Variants in RC3H1 observed in about 807,000 individuals in gnomAD.
The protein encoded by RC3H1 is ring finger and CCCH-type domains 1.
Under a neutral mutation model 138.2 loss-of-function variants are expected in RC3H1, and 50 were observed. The observed-to-expected ratio is 0.36, with a 90% CI of 0.29 to 0.46. The LOEUF is 0.46. Ranked by LOEUF, RC3H1 falls within the 20% of genes least tolerant of loss-of-function variation. The pLI is 1.00. For missense variants in RC3H1, 1,031 were observed against 1,388.1 expected (o/e 0.74, Z 4.09); for synonymous variants, 462 against 489.1 (o/e 0.94, Z 0.73).
chr1:173,947,026 T>C (rs1221777770), intron 15 of RC3H1, among the ~76,000 whole-genome samples, 190 bp from the exon 16 acceptor site: 1 of 152,228 alleles, frequency 6.6e-6, no homozygotes, highest in Non-Finnish European at 1.5e-5. Flanking sequence ...TGCTGATATA[T>C]GTTTGTTTCT....
chr1:173,947,431 C>A lies in RC3H1; in HGVS notation c.2675G>T (p.Gly892Val), dbSNP rs772830979. Residue 892 changes from glycine (G) to valine (V), a missense_variant, in exon 15 of 20, where the codon GGT becomes GTT. Around this residue, in one of 7 missense-constraint regions of RC3H1, gnomAD observed 716 missense variants for 837.9 expected, o/e 0.85. Coordinates refer to ENST00000367696, the MANE Select transcript of RC3H1 (RefSeq NM_172071.4). ...ISRTSKTIYQ[G>V]AGPMQAMAPQ... The stretch of plus-strand genomic sequence containing the variant: ...TGCCATAGCCTGCATTGGACCAGCA[C>A]CCTGATATATAGTTTTGGAAGTTCG... The A allele has an allele frequency of 3.1e-6, 5 of 1,613,914 alleles. No individual in the cohort carries two copies. In the East Asian group the frequency reaches 1.1e-4, roughly 36 times the overall value.
intron 2 of RC3H1, among the ~76,000 whole-genome samples, chr1:173,990,413 AT>A (rs1185645674): frequency 3.3e-5 from 5 of 151,162 alleles, no homozygotes; most frequent in African/African-American, 7.3e-5. Context: ...TATATTCTTA[AT>A]TTTTTTTATG....
chr1:174,015,380 T>TC (rs1379856633), intron 1 of RC3H1, among the ~76,000 whole-genome samples: 6 of 151,912 alleles, frequency 3.9e-5, no homozygotes, highest in African/African-American at 1.5e-4. Flanking sequence ...TTTTTTTTTT[T>TC]TGAGACAAGT....
chr1:173,934,951 A>C lies in RC3H1; in HGVS notation c.*3770T>G, dbSNP rs1658519597. Reference sequence around the variant, plus strand: ...ATACCAATATTCTTTTAGGCAAAAGAAATACATGGGAAAGAATAGAAGGGA... The same window carrying C: ...ATACCAATATTCTTTTAGGCAAAAGCAATACATGGGAAAGAATAGAAGGGA... On this transcript the variant is annotated 3_prime_UTR_variant, in exon 20 of 20. Coordinates refer to ENST00000367696, the MANE Select transcript of RC3H1 (RefSeq NM_172071.4). The C allele has an allele frequency of 6.6e-6, 1 of 152,220 alleles. No individual in the cohort carries two copies. Among genetic ancestry groups the C allele is most frequent in the Non-Finnish European group, 1.5e-5 (1 of 68,034 alleles). 9.4% of individuals were successfully genotyped at this position (152,220 alleles called of 1,614,324 possible).
intron 1 of RC3H1, among the ~76,000 whole-genome samples, chr1:174,014,211 T>C (rs1033063220): frequency 6.6e-6 from 1 of 152,242 alleles, no homozygotes; most frequent in Admixed American, 6.5e-5. Context: ...ATGTGAACTA[T>C]GGACTTTAGT....
At position 173,938,046 on chromosome 1, in the gene RC3H1, A is replaced by C. The variant is rs1182727898; in HGVS notation, c.*675T>G. The stretch of plus-strand genomic sequence containing the variant: ...TATTTGAAAAGTTGAAAATAAAAAC[A>C]AGAAATAAAACCCTCCCAAACAAAC... On this transcript the variant is annotated 3_prime_UTR_variant, in exon 20 of 20. Coordinates refer to ENST00000367696, the MANE Select transcript of RC3H1 (RefSeq NM_172071.4). The C allele has an allele frequency of 6.6e-6, 1 of 152,234 alleles. No homozygotes were observed. Among genetic ancestry groups the C allele is most frequent in the Non-Finnish European group, 1.5e-5 (1 of 68,044 alleles). The allele number at this position is 152,234 out of a possible 1,614,324, so 9.4% of individuals were successfully genotyped here.
chr1:173,981,245 A>G (rs1347724860), intron 5 of RC3H1, among the ~76,000 whole-genome samples: 1 of 152,210 alleles, frequency 6.6e-6, no homozygotes, highest in Admixed American at 6.5e-5. Context: ...CAGAAAGAAT[A>G]AATACAGGCT....
intron 13 of RC3H1, among the ~76,000 whole-genome samples, chr1:173,952,585 T>G (rs1216134237): frequency 6.6e-6 from 1 of 152,090 alleles, no homozygotes; most frequent in East Asian, 1.9e-4. Context: ...ACAAGAACAT[T>G]AAAAATTTTG....
In RC3H1 at chr1:173,964,981, C is replaced by T. The variant is rs973545597; in HGVS notation, c.1474G>A (p.Ala492Thr). ...AVDLPSRKPPALPNGIVSTGN... is the reference protein window; with the variant it reads ...AVDLPSRKPPTLPNGIVSTGN... ...GTTGATACAATTCCATTTGGCAGAG[C>T]AGGAGGTTTTCTGCTAGGGAGATCC... The change falls in exon 10 of 20, where the codon GCT becomes ACT. Residue 492 changes from alanine to threonine, a missense_variant. Physicochemically the swap from Ala to Thr is moderately conservative, Grantham distance 58. Coordinates refer to ENST00000367696, the MANE Select transcript of RC3H1 (RefSeq NM_172071.4). 3.7e-6 allele frequency: 6 copies of T among 1,613,948 alleles called. No individual in the cohort carries two copies. In the Admixed American group the frequency reaches 5.0e-5, roughly 13 times the overall value.
At chr1:173,938,949 T>C in intron 19 of RC3H1, 78 bp from the exon 20 acceptor site, 1 of 1,109,066 alleles carries the variant, frequency 9.0e-7, no homozygotes. Flanking sequence ...GGATATAATT[T>C]AGCATGATTG....
At chr1:173,946,917 C>T (rs1282693855) in intron 15 of RC3H1, 81 bp from the exon 16 acceptor site, 7 of 929,810 alleles carry the variant, frequency 7.5e-6, no homozygotes, top group East Asian at 2.4e-5. Flanking sequence ...AAGACATCAG[C>T]GTATTGCATA....
intron 1 of RC3H1, among the ~76,000 whole-genome samples, chr1:174,007,169 C>A (rs1661668849): frequency 6.6e-6 from 1 of 152,126 alleles, no homozygotes; most frequent in Admixed American, 6.5e-5. Context: ...GCAGGCAGAT[C>A]ACGAGGTCAG....
At chr1:173,985,633 T>C (rs751109781) in intron 2 of RC3H1, among the ~76,000 whole-genome samples, 17 of 152,310 alleles carry the variant, frequency 1.1e-4, no homozygotes, top group Admixed American at 2.6e-4. Flanking sequence ...TTTTTTTTTG[T>C]AGATTTTAAA....
At chr1:174,010,142 TA>T (rs144636942) in intron 1 of RC3H1, among the ~76,000 whole-genome samples, 4,035 of 148,564 alleles carry the variant, frequency 0.027, 182 homozygotes, top group African/African-American at 0.094. Flanking sequence ...TATCTTCCAT[TA>T]AAAAAAAAAT....
chr1:173,988,071 C>T (rs548036814), intron 2 of RC3H1, among the ~76,000 whole-genome samples: 44 of 152,350 alleles, frequency 2.9e-4, no homozygotes, highest in African/African-American at 1.0e-3. Context: ...CTTTCTCCTA[C>T]ACCCCTTTAG....
rs780951413 is a variant in RC3H1 at position 173,946,764 on chromosome 1, T to C, written c.2810A>G (p.Gln937Arg). Reference protein sequence around the residue: ...PYSPHQNIPSQGHFSERERIS... With the variant: ...PYSPHQNIPSRGHFSERERIS... ...CTCATACCTCTCACTGAAGTGTCCC[T>C]GAGAAGGTATGTTTTGATGAGGTGA... Residue 937 changes from glutamine (Q) to arginine (R), a missense_variant, in exon 16 of 20, where the codon CAG becomes CGG. Gln to Arg is a conservative substitution (Grantham distance 43). Coordinates refer to ENST00000367696, the MANE Select transcript of RC3H1 (RefSeq NM_172071.4). The C allele has an allele frequency of 2.5e-6, 4 of 1,613,388 alleles. No individual in the cohort carries two copies. In the South Asian group the frequency reaches 4.4e-5, roughly 18 times the overall value.
At chr1:174,000,583 T>C (rs1661545399) in intron 1 of RC3H1, among the ~76,000 whole-genome samples, 2 of 152,200 alleles carry the variant, frequency 1.3e-5, no homozygotes, top group Admixed American at 6.5e-5. Context: ...AAAACCACAC[T>C]GTCTGTAAGA....
chr1:173,992,757 G>C lies in RC3H1; in HGVS notation c.229C>G (p.Gln77Glu). The C allele has an allele frequency of 6.2e-7, 1 of 1,611,322 alleles. No homozygotes were observed. The highest frequency in any genetic ancestry group is 8.5e-7 in the Non-Finnish European group (1 of 1,177,836). The change falls in exon 2 of 20, where the codon CAG becomes GAG. Residue 77 changes from glutamine to glutamate, a missense_variant and splice_region_variant. Coordinates refer to ENST00000367696, the MANE Select transcript of RC3H1 (RefSeq NM_172071.4). ...NSALLQLVGA[Q>E]VPEQQPITLC... ...AAGTATTAAGTCACCCATCCTACCT[G>C]AGCACCCACGAGCTGCAGCAATGCT... is the stretch of plus-strand genomic sequence containing the variant.
At chr1:174,011,888 T>C (rs368285648) in intron 1 of RC3H1, among the ~76,000 whole-genome samples, 3 of 152,124 alleles carry the variant, frequency 2.0e-5, no homozygotes, top group Admixed American at 6.5e-5. Flanking sequence ...AACCAATTCG[T>C]ATTAGCATTG....
Sources: gnomAD v4.1 joint callset for allele counts (sites outside exome capture counted in the v4.1 genomes callset) on GRCh38, gnomAD v4.1.1 for gene constraint, gnomAD v4.1.1 regional missense constraint, MANE v1.5 for transcripts, NCBI Gene and HGNC (gene_info 2026-07-23, HGNC 2026-07-21) for gene names.